Variants in KCNIP4 observed in about 807,000 individuals in gnomAD.
KCNIP4 encodes the protein Kv channel-interacting protein 4.
A neutral mutation model predicts 34.0 loss-of-function variants in KCNIP4; 12 were observed. The ratio of observed to expected loss-of-function variants is 0.35; its 90% CI spans 0.23 to 0.57. The LOEUF is 0.57. Ranked by LOEUF, KCNIP4 falls within the 20% of genes least tolerant of loss-of-function variation. The pLI, the probability that KCNIP4 is intolerant of heterozygous loss-of-function variation, is 0.83. For missense variants in KCNIP4, 238 were observed against 311.7 expected, an observed-to-expected ratio of 0.76 and a Z score of 1.78; for synonymous variants, 124 against 102.2, an observed-to-expected ratio of 1.21 and a Z score of -1.29.
intron 1 of KCNIP4, among the ~76,000 whole-genome samples, chr4:21,108,442 C>G (rs371439961): frequency 6.6e-6 from 1 of 151,840 alleles, no homozygotes; most frequent in East Asian, 1.9e-4. Flanking sequence ...TTGGCTTTCA[C>G]CTCCATCAGC....
chr4:21,217,199 A>G (rs1247959329), intron 1 of KCNIP4, among the ~76,000 whole-genome samples: 1 of 152,200 alleles, frequency 6.6e-6, no homozygotes, highest in Non-Finnish European at 1.5e-5. Flanking sequence ...AAAACACTGT[A>G]TTACTTGACC....
chr4:21,808,410 TAATA>T (rs1270185057), intron 1 of KCNIP4, among the ~76,000 whole-genome samples: 2 of 152,168 alleles, frequency 1.3e-5, no homozygotes, highest in Admixed American at 6.5e-5. Context: ...CACTTCCACT[TAATA>T]AATAGTAAAT....
chr4:21,211,620 T>C (rs1394656214), intron 1 of KCNIP4, among the ~76,000 whole-genome samples: 6 of 152,100 alleles, frequency 3.9e-5, no homozygotes, highest in Admixed American at 3.3e-4. Flanking sequence ...GCCAAAAAGA[T>C]TGGGAACTGC....
intron 1 of KCNIP4, among the ~76,000 whole-genome samples, chr4:20,920,472 G>A (rs760673369): frequency 2.1e-4 from 32 of 152,270 alleles, no homozygotes; most frequent in Middle Eastern, 6.8e-3. Context: ...TGCAAGGAGA[G>A]GATAACAGCA....
At chr4:21,892,344 G>A (rs555532034) in intron 1 of KCNIP4, among the ~76,000 whole-genome samples, 16 of 151,788 alleles carry the variant, frequency 1.1e-4, no homozygotes, top group African/African-American at 3.9e-4. Context: ...GTGAATCTAG[G>A]CTATGCTGCT....
chr4:20,873,217 A>G (rs1051389354), intron 2 of KCNIP4, among the ~76,000 whole-genome samples: 2 of 152,182 alleles, frequency 1.3e-5, no homozygotes, highest in Non-Finnish European at 2.9e-5. Context: ...CATTGAAGGT[A>G]AAATCCCTGC....
intron 1 of KCNIP4, among the ~76,000 whole-genome samples, chr4:21,109,586 C>T (rs1033452478): frequency 5.3e-5 from 8 of 152,230 alleles, no homozygotes; most frequent in East Asian, 1.9e-4. Flanking sequence ...TGCTTTGGCT[C>T]GCGCATGGTG....
intron 1 of KCNIP4, among the ~76,000 whole-genome samples, chr4:21,120,175 A>G (rs1468089052): frequency 6.7e-6 from 1 of 150,234 alleles, no homozygotes; most frequent in Non-Finnish European, 1.5e-5. Flanking sequence ...TCCATTCATA[A>G]GAGCCTAAAG....
intron 1 of KCNIP4, among the ~76,000 whole-genome samples, chr4:21,229,543 C>A (rs1758648021): frequency 6.6e-6 from 1 of 152,142 alleles, no homozygotes; most frequent in South Asian, 2.1e-4. Flanking sequence ...ATCTTACCAA[C>A]CTTATAAGAA....
At chr4:21,922,190 T>G (rs1443745688) in intron 1 of KCNIP4, among the ~76,000 whole-genome samples, 1 of 152,324 alleles carries the variant, frequency 6.6e-6, no homozygotes, top group East Asian at 1.9e-4. Context: ...CAAAGTCAGC[T>G]CTTCAAAGAA....
intron 1 of KCNIP4, among the ~76,000 whole-genome samples, chr4:21,682,878 T>G (rs1017010405): frequency 5.3e-5 from 8 of 152,120 alleles, no homozygotes; most frequent in Admixed American, 4.6e-4. Flanking sequence ...TCCAAAACAC[T>G]TACGATAGTA....
At chr4:21,382,114 G>C (rs1035453132) in intron 1 of KCNIP4, among the ~76,000 whole-genome samples, 1 of 152,174 alleles carries the variant, frequency 6.6e-6, no homozygotes, top group South Asian at 2.1e-4. Flanking sequence ...TGGACGAACA[G>C]ATTTTCCAAC....
At chr4:21,138,080 C>T (rs181285266) in intron 1 of KCNIP4, among the ~76,000 whole-genome samples, 40 of 152,118 alleles carry the variant, frequency 2.6e-4, no homozygotes, top group Admixed American at 1.0e-3. Flanking sequence ...CCATGTTGGC[C>T]AGGTTAGTCT....
At chr4:21,243,148 A>T (rs1759977649) in intron 1 of KCNIP4, among the ~76,000 whole-genome samples, 1 of 152,156 alleles carries the variant, frequency 6.6e-6, no homozygotes, top group South Asian at 2.1e-4. Context: ...CCAGTAGCTG[A>T]TATTTCTCTC....
At chr4:21,661,137 A>T (rs755080394) in intron 1 of KCNIP4, among the ~76,000 whole-genome samples, 1 of 152,136 alleles carries the variant, frequency 6.6e-6, no homozygotes, top group Non-Finnish European at 1.5e-5. Context: ...AGGCAAGGAC[A>T]TCAGCCACGG....
chr4:21,088,697 C>T (rs1746693337), intron 1 of KCNIP4, among the ~76,000 whole-genome samples: 1 of 152,124 alleles, frequency 6.6e-6, no homozygotes, highest in Admixed American at 6.6e-5. Flanking sequence ...CCTATTAACT[C>T]CTCATCTTTT....
At chr4:21,505,277 A>C (rs1008647991) in intron 1 of KCNIP4, among the ~76,000 whole-genome samples, 14 of 152,206 alleles carry the variant, frequency 9.2e-5, no homozygotes, top group Middle Eastern at 6.8e-3. Context: ...TACAGGAAAA[A>C]AAAAAAAAGA....
At chr4:20,770,441 A>T (rs1755766888) in intron 3 of KCNIP4, among the ~76,000 whole-genome samples, 1 of 151,524 alleles carries the variant, frequency 6.6e-6, no homozygotes, top group Admixed American at 6.6e-5. Flanking sequence ...GATCACTTTC[A>T]AGTTGGCATG....
At chr4:21,590,507 C>T (rs925220048) in intron 1 of KCNIP4, among the ~76,000 whole-genome samples, 5 of 151,254 alleles carry the variant, frequency 3.3e-5, no homozygotes, top group African/African-American at 9.7e-5. Flanking sequence ...TGAAGCTGGC[C>T]GGTTGTCAGG....
Sources: gnomAD v4.1 joint callset for allele counts (sites outside exome capture counted in the v4.1 genomes callset) on GRCh38, gnomAD v4.1.1 for gene constraint, MANE v1.5 for transcripts, NCBI Gene and HGNC (gene_info 2026-07-23, HGNC 2026-07-21) for gene names.